Variants in CEP112 observed in about 807,000 individuals in gnomAD.
CEP112 encodes the protein centrosomal protein 112, also known as centrosomal protein of 112 kDa.
Under a neutral mutation model 153.0 loss-of-function variants are expected in CEP112, and 127 were observed. That is an observed-to-expected ratio of 0.83 (90% CI 0.72 to 0.96). CEP112 has a LOEUF of 0.96. Among genes scored for constraint, CEP112 ranks in the 40% least tolerant of loss-of-function variants. The pLI is 0.00. For synonymous variants in CEP112, 358 were observed against 374.4 expected (o/e 0.96, Z 0.51); for missense variants, 1,089 against 1,101.2 (o/e 0.99, Z 0.16).
chr17:66,089,175 A>G (rs2068048331), intron 8 of CEP112, among the ~76,000 whole-genome samples: 1 of 152,282 alleles, frequency 6.6e-6, no homozygotes, highest in South Asian at 2.1e-4. Context: ...GAATCTCTGG[A>G]TAGGCTCAAT....
chr17:66,012,501 G>A (rs1180777614), intron 16 of CEP112, among the ~76,000 whole-genome samples: 2 of 152,148 alleles, frequency 1.3e-5, no homozygotes, highest in Non-Finnish European at 2.9e-5. Flanking sequence ...TAGTTTGCTG[G>A]GACATAAAAC....
intron 6 of CEP112, among the ~76,000 whole-genome samples, chr17:66,121,273 T>C (rs1425581842): frequency 3.2e-5 from 4 of 124,266 alleles, no homozygotes; most frequent in Non-Finnish European, 7.3e-5. Flanking sequence ...CGACACTTCG[T>C]CTCAAAAAAA....
chr17:65,931,736 TC>T (rs1474266868), intron 18 of CEP112, among the ~76,000 whole-genome samples: 3 of 152,152 alleles, frequency 2.0e-5, no homozygotes, highest in African/African-American at 7.2e-5. Context: ...TTGGCATACT[TC>T]CCCAGGCTCA....
chr17:65,916,394 T>C (rs1341172379), intron 19 of CEP112, among the ~76,000 whole-genome samples: 1 of 152,066 alleles, frequency 6.6e-6, no homozygotes, highest in Non-Finnish European at 1.5e-5. Context: ...CCCAAGCACT[T>C]GGAAGAGTGT....
At chr17:65,686,212 A>G (rs2047783457) in intron 24 of CEP112, among the ~76,000 whole-genome samples, 1 of 147,536 alleles carries the variant, frequency 6.8e-6, no homozygotes, top group Non-Finnish European at 1.5e-5. Flanking sequence ...AGCTTTACCC[A>G]TGGGTATTTC....
chr17:65,893,545 A>G (rs1382712476), intron 20 of CEP112, among the ~76,000 whole-genome samples: 2 of 152,180 alleles, frequency 1.3e-5, no homozygotes, highest in African/African-American at 4.8e-5. Context: ...TTGAATTTTA[A>G]TATTTGTTTC....
At chr17:65,645,630 A>G (rs1382981285) in intron 24 of CEP112, among the ~76,000 whole-genome samples, 1 of 151,766 alleles carries the variant, frequency 6.6e-6, no homozygotes, top group Non-Finnish European at 1.5e-5. Flanking sequence ...TCCCTCCACC[A>G]TTTTCCTTGT....
chr17:65,875,848 T>G (rs72831463), intron 20 of CEP112, among the ~76,000 whole-genome samples: 161 of 152,310 alleles, frequency 1.1e-3, no homozygotes, highest in Non-Finnish European at 1.8e-3. Flanking sequence ...GAGTATATTT[T>G]CTATGTTTCA....
intron 19 of CEP112, among the ~76,000 whole-genome samples, chr17:65,903,776 G>A (rs923471295): frequency 5.9e-5 from 9 of 152,022 alleles, no homozygotes; most frequent in Admixed American, 3.9e-4. Context: ...TGATCAAGTC[G>A]GCTTCATCCC....
chr17:65,927,732 A>C, intron 18 of CEP112, 43 bp from the exon 19 acceptor site: 1 of 1,228,620 alleles, frequency 8.1e-7, no homozygotes, highest in Non-Finnish European at 1.1e-6. Context: ...TAAACAAACA[A>C]TTGTGTTCCA....
At chr17:65,930,367 C>T (rs1219286032) in intron 18 of CEP112, among the ~76,000 whole-genome samples, 5 of 152,166 alleles carry the variant, frequency 3.3e-5, no homozygotes. Context: ...TGAAAGGCAA[C>T]GAGTTTCACT....
chr17:65,721,202 G>A (rs750902976), intron 23 of CEP112, among the ~76,000 whole-genome samples: 1 of 151,936 alleles, frequency 6.6e-6, no homozygotes, highest in Non-Finnish European at 1.5e-5. Context: ...AGTAGAGACG[G>A]GGTCTCACCG....
intron 3 of CEP112, 82 bp downstream of exon 3, chr17:66,176,748 A>G: frequency 9.4e-7 from 1 of 1,058,600 alleles, no homozygotes; most frequent in Non-Finnish European, 1.4e-6. Flanking sequence ...ACCTAATAGT[A>G]TTACCATTCC....
chr17:66,065,204 A>T (rs1440934863), intron 10 of CEP112, among the ~76,000 whole-genome samples: 1 of 152,176 alleles, frequency 6.6e-6, no homozygotes, highest in East Asian at 1.9e-4. Context: ...TCTCACCTTA[A>T]CATGCAAAAT....
chr17:66,092,688 T>G (rs1422325852), intron 8 of CEP112, among the ~76,000 whole-genome samples: 4 of 152,168 alleles, frequency 2.6e-5, no homozygotes, highest in Admixed American at 2.0e-4. Flanking sequence ...TCAAGTGGAA[T>G]TCATCCCAAG....
chr17:65,821,167 G>A (rs1177607453), intron 21 of CEP112, among the ~76,000 whole-genome samples: 1 of 151,466 alleles, frequency 6.6e-6, no homozygotes, highest in Non-Finnish European at 1.5e-5. Flanking sequence ...TGGGTAACCA[G>A]TGTTTTTAGC....
Position 65,786,536 on chromosome 17 carries a change from C to T in CEP112, c.2395-35812G>A, listed in dbSNP as rs146240991. Reference sequence around the variant, plus strand: ...TGTATTTATGGGCTACTGATATTTACACCTCTGTAAAATGCTGTTTTGTCT... The same window carrying T: ...TGTATTTATGGGCTACTGATATTTATACCTCTGTAAAATGCTGTTTTGTCT... On this transcript the variant is annotated intron_variant, in intron 21 of 26. Transcript: ENST00000535342. Among the ~76,000 whole-genome samples the T allele has an allele frequency of 2.1e-3, 311 of 149,982 alleles. 3 individuals are homozygous for T. The highest frequency in any genetic ancestry group is 6.9e-3 in the African/African-American group (284 of 40,978).
At chr17:65,732,087 C>G (rs780473047) in intron 23 of CEP112, among the ~76,000 whole-genome samples, 3 of 152,182 alleles carry the variant, frequency 2.0e-5, no homozygotes, top group Non-Finnish European at 2.9e-5. Flanking sequence ...AGAGGAATTA[C>G]CATCTATGGC....
intron 20 of CEP112, among the ~76,000 whole-genome samples, chr17:65,882,575 T>A (rs1055256198): frequency 6.6e-6 from 1 of 152,232 alleles, no homozygotes; most frequent in African/African-American, 2.4e-5. Context: ...TGATTTGTGT[T>A]CCCTCGTTCA....
Sources: gnomAD v4.1 joint callset for allele counts (sites outside exome capture counted in the v4.1 genomes callset) on GRCh38, gnomAD v4.1.1 for gene constraint, MANE v1.5 for transcripts, NCBI Gene and HGNC (gene_info 2026-07-23, HGNC 2026-07-21) for gene names.